RARB: variants seen among roughly 807,000 people sequenced by gnomAD.
RARB encodes retinoic acid receptor beta.
A neutral mutation model predicts 51.9 loss-of-function variants in RARB; 17 were observed. That is an observed-to-expected ratio of 0.33 (90% CI 0.22 to 0.49). The LOEUF (loss-of-function observed/expected upper bound fraction) is 0.49, where lower values mean the gene tolerates loss of function less well. Among genes scored for constraint, RARB ranks in the 20% least tolerant of loss-of-function variants. The pLI is 0.99. For synonymous variants in RARB, 215 were observed against 195.4 expected, an observed-to-expected ratio of 1.10 and a Z score of -0.84; for missense variants, 369 against 550.8, an observed-to-expected ratio of 0.67 and a Z score of 3.30.
chr3:25,360,397 C>T lies in RARB; in HGVS notation c.179-100796C>T, dbSNP rs564300248. ...GCATGTGAGATGGGTCTCCTGAATACAGCATACTGATGGGTCTTGACTTTT... is the reference window on the plus strand; with the variant it reads ...GCATGTGAGATGGGTCTCCTGAATATAGCATACTGATGGGTCTTGACTTTT... On this transcript the variant is annotated intron_variant, in intron 5 of 11. Transcript: ENST00000383772. Among the ~76,000 whole-genome samples, 109 of 152,298 alleles carry T rather than the reference C, an allele frequency of 7.2e-4. 1 individual carries two copies. Among genetic ancestry groups the T allele is most frequent in the African/African-American group, 2.4e-3 (100 of 41,564 alleles).
chr3:25,249,795 A>G (rs1211288558), intron 5 of RARB, among the ~76,000 whole-genome samples: 1 of 62,988 alleles, frequency 1.6e-5, no homozygotes, highest in African/African-American at 1.6e-4. Flanking sequence ...TTTTTCAGGG[A>G]TGGGGATGTC....
chr3:25,279,511 G>T (rs1246978736), intron 5 of RARB, among the ~76,000 whole-genome samples: 1 of 151,976 alleles, frequency 6.6e-6, no homozygotes, highest in East Asian at 1.9e-4. Flanking sequence ...GTTCTTAAGG[G>T]ATCTTTTAAT....
intron 5 of RARB, among the ~76,000 whole-genome samples, chr3:25,397,247 A>G (rs750923459): frequency 8.6e-5 from 13 of 151,992 alleles, no homozygotes; most frequent in Non-Finnish European, 1.9e-4. Flanking sequence ...TTTATGTTTC[A>G]CTTGGCTCTC....
At chr3:25,217,852 G>A (rs1464294271) in intron 5 of RARB, among the ~76,000 whole-genome samples, 1 of 152,094 alleles carries the variant, frequency 6.6e-6, no homozygotes, top group Non-Finnish European at 1.5e-5. Flanking sequence ...AAACCCTAAA[G>A]GCAATGAGTT....
intron 2 of RARB, among the ~76,000 whole-genome samples, chr3:24,901,583 A>G (rs1398330587): frequency 6.6e-6 from 1 of 152,204 alleles, no homozygotes; most frequent in African/African-American, 2.4e-5. Flanking sequence ...TCATTATCAA[A>G]GCCTTTGGTA....
intron 2 of RARB, among the ~76,000 whole-genome samples, chr3:25,038,155 G>C (rs1245651046): frequency 6.6e-6 from 1 of 152,078 alleles, no homozygotes; most frequent in African/African-American, 2.4e-5. Flanking sequence ...GTAAGTGAAG[G>C]CAAGTCATAT....
intron 3 of RARB, among the ~76,000 whole-genome samples, chr3:25,556,829 T>G (rs575917103): frequency 6.6e-6 from 1 of 152,346 alleles, no homozygotes; most frequent in Admixed American, 6.5e-5. Context: ...AAGAGAAGTC[T>G]GGGTCACACA....
rs941491895 is a variant in RARB, at chr3:25,597,776, T to C, written c.*1160T>C. The C allele has an allele frequency of 1.7e-5, 1 of 58,406 alleles. No homozygotes were observed. The highest frequency in any genetic ancestry group is 8.3e-5 in the African/African-American group (1 of 12,036). 3.6% of individuals were successfully genotyped at this position (58,406 alleles called of 1,614,324 possible). A position where few individuals can be genotyped will look rare whatever the true frequency, so the allele number is the denominator to read the frequency against. ...AGTTCTCATTTAAGCACTAGTGGAA[T>C]TTTTTTTTTTTGATATATTAGCAAG... On this transcript the variant is annotated 3_prime_UTR_variant, in exon 8 of 8. Transcript: ENST00000330688.
intron 1 of RARB, among the ~76,000 whole-genome samples, chr3:24,830,737 C>A (rs1316903476): frequency 1.3e-5 from 2 of 151,264 alleles, no homozygotes; most frequent in African/African-American, 4.9e-5. Context: ...TATGGAGGGA[C>A]CACTGAGAGA....
chr3:25,497,744 C>G (rs543093021), intron 2 of RARB, among the ~76,000 whole-genome samples: 1 of 152,140 alleles, frequency 6.6e-6, no homozygotes, highest in Non-Finnish European at 1.5e-5. Context: ...GGTTGCTCCT[C>G]CAAATGGGAC....
chr3:24,872,353 CT>C (rs1239550971), intron 2 of RARB, among the ~76,000 whole-genome samples: 3 of 152,280 alleles, frequency 2.0e-5, no homozygotes, highest in African/African-American at 7.2e-5. Flanking sequence ...TCCTAATCCC[CT>C]CATCTCTGTC....
At chr3:25,032,391 A>G (rs1697894126) in intron 2 of RARB, among the ~76,000 whole-genome samples, 1 of 152,178 alleles carries the variant, frequency 6.6e-6, no homozygotes, top group Admixed American at 6.5e-5. Flanking sequence ...CTCCAAAGCC[A>G]GTTTCAGTCA....
intron 3 of RARB, among the ~76,000 whole-genome samples, chr3:25,529,004 T>C (rs1698780353): frequency 6.6e-6 from 1 of 151,974 alleles, no homozygotes; most frequent in African/African-American, 2.4e-5. Flanking sequence ...AATCAATGTG[T>C]GGCTCTCTCC....
intron 4 of RARB, among the ~76,000 whole-genome samples, chr3:25,137,004 TAAGC>T (rs916989537): frequency 7.2e-5 from 11 of 151,960 alleles, no homozygotes; most frequent in East Asian, 1.9e-4. Context: ...AAAAAAATAT[TAAGC>T]AAGGAGTAGC....
At chr3:24,914,610 A>C (rs762990942) in intron 2 of RARB, among the ~76,000 whole-genome samples, 1 of 152,186 alleles carries the variant, frequency 6.6e-6, no homozygotes, top group Non-Finnish European at 1.5e-5. Context: ...TATAACCTGC[A>C]CACATCGTCC....
intron 3 of RARB, among the ~76,000 whole-genome samples, chr3:25,094,248 T>C (rs1699253151): frequency 2.6e-5 from 4 of 152,182 alleles, no homozygotes; most frequent in Admixed American, 2.6e-4. Context: ...AAAGTCTGTC[T>C]GAAATTCTTC....
At chr3:25,544,907 G>T (rs1479614296) in intron 3 of RARB, among the ~76,000 whole-genome samples, 8 of 152,166 alleles carry the variant, frequency 5.3e-5, no homozygotes, top group African/African-American at 1.9e-4. Flanking sequence ...CAAGAAATAG[G>T]ATGTAAGAAA....
intron 5 of RARB, among the ~76,000 whole-genome samples, chr3:25,207,831 A>G (rs1701588904): frequency 6.6e-6 from 1 of 152,196 alleles, no homozygotes; most frequent in Non-Finnish European, 1.5e-5. Flanking sequence ...CTACAAAGGA[A>G]CAACTGAAAC....
chr3:25,417,697 A>G (rs547119342), intron 5 of RARB, among the ~76,000 whole-genome samples: 1 of 152,226 alleles, frequency 6.6e-6, no homozygotes, highest in Non-Finnish European at 1.5e-5. Flanking sequence ...CAGCAGCATG[A>G]AAATAGACTA....
Sources: allele counts gnomAD v4.1 joint callset (sites outside exome capture counted in the v4.1 genomes callset), GRCh38; gene constraint gnomAD v4.1.1; transcripts MANE v1.5; gene names NCBI Gene and HGNC (gene_info 2026-07-23, HGNC 2026-07-21).